The following HADH variants were observed in gnomAD, a reference collection of about 807,000 sequenced individuals.
The protein encoded by HADH is hydroxyacyl-CoA dehydrogenase.
Under a neutral mutation model 32.2 loss-of-function variants are expected in HADH, and 24 were observed. The observed-to-expected ratio is 0.75, with a 90% CI of 0.54 to 1.05. The LOEUF is 1.05. Ranked by LOEUF, HADH falls within the 50% of genes least tolerant of loss-of-function variation. HADH has a pLI of 0.00. For synonymous variants in HADH, 139 were observed against 152.5 expected (o/e 0.91, Z 0.65); for missense variants, 350 against 397.1 (o/e 0.88, Z 1.01).
At chr4:108,025,008 A>G (rs1291946102) in intron 5 of HADH, 2 of 152,234 alleles carry the variant, frequency 1.3e-5, no homozygotes, top group East Asian at 3.8e-4. Flanking sequence ...TCTGGACAAT[A>G]TATGGCAACT....
intron 1 of HADH, among the ~76,000 whole-genome samples, chr4:108,003,491 A>C (rs1331947216): frequency 6.6e-6 from 1 of 152,194 alleles, no homozygotes; most frequent in Non-Finnish European, 1.5e-5. Context: ...AGGAACTCCA[A>C]CTATAGGCTT....
At chr4:108,017,692 T>G (rs1373968596) in intron 3 of HADH, among the ~76,000 whole-genome samples, 1 of 152,010 alleles carries the variant, frequency 6.6e-6, no homozygotes, top group African/African-American at 2.4e-5. Flanking sequence ...GTGGCTGGGA[T>G]TACAGGCATG....
chr4:108,008,469 C>T (rs1735363419), intron 1 of HADH, among the ~76,000 whole-genome samples: 1 of 152,156 alleles, frequency 6.6e-6, no homozygotes, highest in Non-Finnish European at 1.5e-5. Context: ...GAAAACTGTT[C>T]TTTGGAAATC....
chr4:108,023,825 A>G (rs1227716510), intron 5 of HADH: 5 of 462,134 alleles, frequency 1.1e-5, no homozygotes, highest in Admixed American at 6.8e-5. Flanking sequence ...AGTAGAAGAC[A>G]CGGGACTGCT....
intron 3 of HADH, among the ~76,000 whole-genome samples, chr4:108,018,903 T>A (rs1266010399): frequency 3.3e-5 from 5 of 152,352 alleles, no homozygotes; most frequent in African/African-American, 1.2e-4. Flanking sequence ...TTTTAATGAA[T>A]AAGTTAATGT....
chr4:108,023,917 C>A, intron 5 of HADH: 1 of 201,820 alleles, frequency 5.0e-6, no homozygotes, highest in Non-Finnish European at 1.0e-5. Context: ...CACATACCTC[C>A]CTAACAGAAA....
At chr4:108,000,846 C>G (rs963647817) in intron 1 of HADH, among the ~76,000 whole-genome samples, 1 of 152,136 alleles carries the variant, frequency 6.6e-6, no homozygotes, top group African/African-American at 2.4e-5. Context: ...ACTACAGAAT[C>G]GGGTTACTAC....
At chr4:107,992,188 G>T (rs1472472076) in intron 1 of HADH, among the ~76,000 whole-genome samples, 2 of 152,102 alleles carry the variant, frequency 1.3e-5, no homozygotes, top group African/African-American at 2.4e-5. Context: ...AGTGCCTTTT[G>T]AAACTTAAGG....
chr4:108,028,129 GT>G (rs1285799036), intron 6 of HADH: 1 of 302,154 alleles, frequency 3.3e-6, no homozygotes, highest in Non-Finnish European at 6.3e-6. Context: ...GATCTTGAAA[GT>G]TCCTTAAGGT....
intron 2 of HADH, among the ~76,000 whole-genome samples, chr4:108,013,387 C>T (rs559801112): frequency 6.6e-6 from 1 of 152,224 alleles, no homozygotes; most frequent in South Asian, 2.1e-4. Context: ...TGCTTGTTTA[C>T]AGACTTTCAG....
Position 107,989,889 on chromosome 4 carries a change from C to A in HADH, c.-44C>A, listed in dbSNP as rs764905879. On this transcript the variant is annotated 5_prime_UTR_variant, in exon 1 of 8. Coordinates refer to ENST00000309522, the MANE Select transcript of HADH (RefSeq NM_005327.7). ...TTCCGCGGCTGCCCGCCTCGCGCGT[C>A]TTCCCTGCCCGGGTCTCCTCGCTGT... 16 of 1,603,054 alleles carry A rather than the reference C, an allele frequency of 1.0e-5. No individual in the cohort carries two copies. The highest frequency in any genetic ancestry group is 1.3e-5 in the Non-Finnish European group (15 of 1,176,390).
chr4:108,014,927 C>G (rs1735643340), intron 3 of HADH, among the ~76,000 whole-genome samples: 1 of 152,126 alleles, frequency 6.6e-6, no homozygotes, highest in South Asian at 2.1e-4. Context: ...AAGATAATGG[C>G]CTTCACTCCT....
intron 3 of HADH, among the ~76,000 whole-genome samples, chr4:108,016,591 C>T (rs1560732267): frequency 1.3e-5 from 2 of 152,194 alleles, no homozygotes. Context: ...GCAGTTTGAT[C>T]TTTATTGAAA....
rs531956830 is a variant in HADH, at chr4:108,008,848, T to C, written c.133-911T>C. Among the ~76,000 whole-genome samples the C allele has an allele frequency of 4.6e-5, 7 of 152,318 alleles. No individual in the cohort carries two copies. The South Asian group carries it at 1.0e-3, about 23-fold the overall frequency. On this transcript the variant is annotated intron_variant, in intron 1 of 7. Transcript: ENST00000309522. ...AATTCACTTACACGTGCCTATAAGG[T>C]GATCGAGGTGACCCAATGATCTTCT...
intron 5 of HADH, chr4:108,023,891 G>A: frequency 3.6e-6 from 1 of 279,606 alleles, no homozygotes; most frequent in Non-Finnish European, 7.1e-6. Flanking sequence ...AATGATTTTA[G>A]GTACAGCTTG....
At chr4:108,013,481 C>G (rs970488451) in intron 2 of HADH, among the ~76,000 whole-genome samples, 3 of 152,152 alleles carry the variant, frequency 2.0e-5, no homozygotes, top group African/African-American at 7.2e-5. Context: ...TCAGCTCTGG[C>G]TAGCTACTCC....
At chr4:108,017,740 A>T (rs1206164642) in intron 3 of HADH, among the ~76,000 whole-genome samples, 2 of 152,032 alleles carry the variant, frequency 1.3e-5, no homozygotes, top group African/African-American at 4.8e-5. Flanking sequence ...TTTTTAGTAG[A>T]GACGGGGCAT....
chr4:108,023,609 G>A lies in HADH; in HGVS notation c.636+46G>A, dbSNP rs772611105. ...GGAAGGAGGTAGTTCTTTTCTTCTT[G>A]GACCCTGACTTGTTCCTGGTAGAAT... On this transcript the variant is annotated intron_variant, in intron 5 of 7. Coordinates refer to ENST00000309522, the MANE Select transcript of HADH (RefSeq NM_005327.7). 4.8e-6 allele frequency: 5 copies of A among 1,047,050 alleles called. No individual in the cohort carries two copies. The African/African-American group carries it at 6.2e-5, about 13-fold the overall frequency. The allele number at this position is 1,047,050 out of a possible 1,614,324, so 64.9% of individuals were successfully genotyped here.
chr4:108,017,860 T>C lies in HADH; in HGVS notation c.420-1680T>C, dbSNP rs80249385. Among the ~76,000 whole-genome samples the C allele has an allele frequency of 3.1e-3, 468 of 152,222 alleles. 3 individuals carry two copies. Among genetic ancestry groups the C allele is most frequent in the African/African-American group, 0.011 (446 of 41,552 alleles). ...CACCGTGCCCAGCCCAGAGTACATT[T>C]TGTTTGTGGATGAAAAGACTGTCCT... is the stretch of plus-strand genomic sequence containing the variant. On this transcript the variant is annotated intron_variant, in intron 3 of 7. Transcript: ENST00000309522.
Sources: gnomAD v4.1 joint callset for allele counts (sites outside exome capture counted in the v4.1 genomes callset) on GRCh38, gnomAD v4.1.1 for gene constraint, MANE v1.5 for transcripts, NCBI Gene and HGNC (gene_info 2026-07-23, HGNC 2026-07-21) for gene names.